The following DENND2A variants were observed in gnomAD, a reference collection of about 807,000 sequenced individuals.
The protein encoded by DENND2A is DENN domain-containing protein 2A.
DENND2A carries 53 observed loss-of-function variants against 105.3 expected under a neutral mutation model. That is an observed-to-expected ratio of 0.50 (90% confidence interval 0.40 to 0.63). DENND2A has a LOEUF of 0.63. Ranked by LOEUF, DENND2A falls within the 30% of genes least tolerant of loss-of-function variation. DENND2A has a pLI of 0.00. For missense variants in DENND2A, 1,138 were observed against 1,279.6 expected (o/e 0.89, Z 1.69); for synonymous variants, 522 against 508.4 (o/e 1.03, Z -0.36).
chr7:140,633,061 C>T (rs1398055665), intron 1 of DENND2A, among the ~76,000 whole-genome samples: 3 of 144,784 alleles, frequency 2.1e-5, no homozygotes, highest in East Asian at 2.1e-4. Context: ...CAGAGTCTTG[C>T]GCTGCCGCCC....
chr7:140,555,890 G>A (rs1295795655), intron 11 of DENND2A, among the ~76,000 whole-genome samples, 177 bp from the exon 12 acceptor site: 1 of 152,080 alleles, frequency 6.6e-6, no homozygotes. Flanking sequence ...TGTTATAATT[G>A]TTTTGTATCC....
chr7:140,587,759 A>G lies in DENND2A; in HGVS notation c.1017T>C (p.Asp339=). 6.2e-7 allele frequency: 1 copy of G among 1,603,258 alleles called. No homozygotes were observed. The highest frequency in any genetic ancestry group is 1.1e-5 in the South Asian group (1 of 90,464). Residue 339 remains aspartate (D), a synonymous_variant, in exon 4 of 20, where the codon GAT becomes GAC. Coordinates refer to ENST00000496613, the MANE Select transcript of DENND2A (RefSeq NM_015689.5). ...TGCTCTCAGAGGAAGACTGCAGTAA[A>G]TCTTCAAACTCATAGGACTTTCTGG... is the stretch of plus-strand genomic sequence containing the variant. The part of the protein sequence containing the change: ...ADHRKSYEFE[D]LLQSSSESSR...
rs1008099614 is a variant in DENND2A at position 140,546,092 on chromosome 7, G to C, written c.2178+707C>G. Among the ~76,000 whole-genome samples, 9 of 152,272 alleles carry C rather than the reference G, an allele frequency of 5.9e-5. 1 individual carries two copies. Among genetic ancestry groups the C allele is most frequent in the Middle Eastern group, 6.8e-3 (2 of 294 alleles). ...CTGATGTCCACCAAGCCATGCAAAG[G>C]GGGTGGGAGGGATGAAAACAAACTC... On this transcript the variant is annotated intron_variant, in intron 13 of 19. Coordinates refer to ENST00000496613, the MANE Select transcript of DENND2A (RefSeq NM_015689.5).
At chr7:140,558,855 T>G (rs550250140) in intron 10 of DENND2A, among the ~76,000 whole-genome samples, 2 of 150,218 alleles carry the variant, frequency 1.3e-5, no homozygotes, top group African/African-American at 4.9e-5. Context: ...CAGGCTGGGA[T>G]GCAGTGGTGT....
Position 140,581,776 on chromosome 7 carries a change from C to A in DENND2A, c.1245+3813G>T, listed in dbSNP as rs545791086. ...ACTGGATTCTCTTTGTTCAGGACAG[C>A]TACAGATACAGATACAGCTGGACGT... On this transcript the variant is annotated intron_variant, in intron 5 of 19. Transcript: ENST00000496613. Among the ~76,000 whole-genome samples the A allele has an allele frequency of 7.9e-5, 12 of 152,276 alleles. No individual in the cohort carries two copies. In the East Asian group the frequency reaches 2.3e-3, roughly 29 times the overall value.
At chr7:140,562,351 T>C (rs1190944307) in intron 9 of DENND2A, among the ~76,000 whole-genome samples, 1 of 151,984 alleles carries the variant, frequency 6.6e-6, no homozygotes, top group Non-Finnish European at 1.5e-5. Flanking sequence ...ACCAGACTGA[T>C]TGTTTCCAAC....
intron 12 of DENND2A, among the ~76,000 whole-genome samples, chr7:140,551,750 C>T (rs1420838719): frequency 6.6e-6 from 1 of 152,224 alleles, no homozygotes; most frequent in African/African-American, 2.4e-5. Flanking sequence ...TTCTCCATGA[C>T]TCCTTTCTGT....
chr7:140,592,213 T>TC (rs1799085342), intron 3 of DENND2A, among the ~76,000 whole-genome samples: 1 of 69,190 alleles, frequency 1.4e-5, no homozygotes, highest in Non-Finnish European at 3.2e-5. Context: ...CTAATTTTTA[T>TC]TTTTTTTTTT....
rs1173857229 is a variant in DENND2A at position 140,640,048 on chromosome 7, A to AG, written c.-248+455dup. The stretch of plus-strand genomic sequence containing the variant: ...AAGACTGCAAATGCTGACCGCTGTG[A>AG]GGGGGGCCCGGCTGCTCAGCCGCCT... On this transcript the variant is annotated intron_variant, in intron 1 of 19. Transcript: ENST00000496613. This position sits in a 1 kb window ranked among gnomAD's most constrained non-coding sequence, Gnocchi z 4.9. 6.6e-6 allele frequency among the ~76,000 whole-genome samples: 1 copy of AG among 152,226 alleles called. No individual in the cohort carries two copies. Among genetic ancestry groups the AG allele is most frequent in the Non-Finnish European group, 1.5e-5 (1 of 68,040 alleles).
At chr7:140,594,240 T>G (rs1406287788) in intron 3 of DENND2A, among the ~76,000 whole-genome samples, 3 of 152,092 alleles carry the variant, frequency 2.0e-5, no homozygotes, top group Non-Finnish European at 4.4e-5. Flanking sequence ...CTCTCTCCCC[T>G]TCTTAAAAAT....
chr7:140,564,624 T>G (rs1797761475), intron 9 of DENND2A, among the ~76,000 whole-genome samples: 1 of 152,194 alleles, frequency 6.6e-6, no homozygotes, highest in Non-Finnish European at 1.5e-5. Flanking sequence ...CCTAATACAT[T>G]TCTGGATCAG....
At position 140,635,546 on chromosome 7, in the gene DENND2A, C is replaced by T. The variant is rs146741818; in HGVS notation, c.-248+4958G>A. Among the ~76,000 whole-genome samples, 20 of 152,264 alleles carry T rather than the reference C, an allele frequency of 1.3e-4. No individual in the cohort carries two copies. In the East Asian group the frequency reaches 3.9e-3, roughly 29 times the overall value. ...GGCCCCACTCTCCAGCCAATGATCC[C>T]TGCTTTCATTTCCTTCTGAAGGGAT... On this transcript the variant is annotated intron_variant, in intron 1 of 19. Transcript: ENST00000496613.
rs1798249626 is a variant in DENND2A at position 140,575,129 on chromosome 7, A to C, written c.1246-1121T>G. On this transcript the variant is annotated intron_variant, in intron 5 of 19. Transcript: ENST00000496613. ...AACTCATTTTCCCAAAATACGCTAC[A>C]AATTAATGAGAAAAAGACTAATGAC... Among the ~76,000 whole-genome samples the C allele has an allele frequency of 1.1e-4, 16 of 152,244 alleles. 3 individuals are homozygous for C. The South Asian group carries it at 3.3e-3, about 32-fold the overall frequency.
intron 1 of DENND2A, among the ~76,000 whole-genome samples, chr7:140,620,608 G>C (rs73165443): frequency 6.6e-6 from 1 of 152,182 alleles, no homozygotes; most frequent in Non-Finnish European, 1.5e-5. Context: ...GCTGTTGTCT[G>C]TGGGTGTCTG....
At chr7:140,553,835 C>A (rs932497894) in intron 12 of DENND2A, among the ~76,000 whole-genome samples, 11 of 152,192 alleles carry the variant, frequency 7.2e-5, no homozygotes, top group Non-Finnish European at 1.5e-4. Flanking sequence ...TTAACAGCAT[C>A]TCAAGGCAGA....
chr7:140,628,079 T>TG (rs1415362580), intron 1 of DENND2A, among the ~76,000 whole-genome samples: 2 of 152,184 alleles, frequency 1.3e-5, no homozygotes, highest in Non-Finnish European at 2.9e-5. Flanking sequence ...TGTAAGCCAC[T>TG]GTGCCTGGCC....
At position 140,607,976 on chromosome 7, in the gene DENND2A, C is replaced by T. The variant is rs1311620363; in HGVS notation, c.-247-2170G>A. ...ACCAGGGCTGTGCCTGGGTCACAATCAATCCTGTAACTCCCCCCATGCCCT... is the reference window on the plus strand; with the variant it reads ...ACCAGGGCTGTGCCTGGGTCACAATTAATCCTGTAACTCCCCCCATGCCCT... On this transcript the variant is annotated intron_variant, in intron 1 of 19. Transcript: ENST00000496613. Among the ~76,000 whole-genome samples the T allele has an allele frequency of 2.6e-5, 4 of 152,198 alleles. No individual in the cohort carries two copies. In the East Asian group the frequency reaches 7.7e-4, roughly 29 times the overall value.
chr7:140,622,823 T>C (rs1800345941), intron 1 of DENND2A, among the ~76,000 whole-genome samples: 1 of 152,086 alleles, frequency 6.6e-6, no homozygotes, highest in African/African-American at 2.4e-5. Context: ...CTGCCTGCCT[T>C]GGCCTTCCAA....
intron 11 of DENND2A, among the ~76,000 whole-genome samples, chr7:140,557,830 G>C (rs182479116): frequency 6.6e-6 from 1 of 151,690 alleles, no homozygotes; most frequent in Non-Finnish European, 1.5e-5. Context: ...GAGCCACCGC[G>C]CCCGGCCGTA....
Sources: allele counts gnomAD v4.1 joint callset (sites outside exome capture counted in the v4.1 genomes callset), GRCh38; gene constraint gnomAD v4.1.1; non-coding constraint Gnocchi (gnomAD v3.1); transcripts MANE v1.5; gene names NCBI Gene and HGNC (gene_info 2026-07-23, HGNC 2026-07-21).